The following LRRTM3 variants were observed in gnomAD, a reference collection of about 807,000 sequenced individuals.
LRRTM3 encodes leucine rich repeat transmembrane neuronal 3.
A neutral mutation model predicts 44.7 loss-of-function variants in LRRTM3; 24 were observed. The ratio of observed to expected loss-of-function variants is 0.54; its 90% CI spans 0.39 to 0.76. The LOEUF (loss-of-function observed/expected upper bound fraction) is 0.76, where lower values mean the gene tolerates loss of function less well. LRRTM3 is among the 30% of genes least tolerant of loss of function. The pLI is 0.00. For missense variants in LRRTM3, 587 were observed against 702.2 expected (o/e 0.84, Z 1.85); for synonymous variants, 277 against 278.7 (o/e 0.99, Z 0.06).
chr10:66,971,201 G>A (rs1237644291), intron 2 of LRRTM3, among the ~76,000 whole-genome samples: 2 of 152,114 alleles, frequency 1.3e-5, no homozygotes, highest in Non-Finnish European at 2.9e-5. Context: ...ACCGAGGCAG[G>A]CAGATCACAA....
Position 66,927,052 on chromosome 10 carries a change from T to C in LRRTM3, c.136T>C (p.Tyr46His). The C allele has an allele frequency of 1.9e-6, 3 of 1,614,204 alleles. No homozygotes were observed. The highest frequency in any genetic ancestry group is 1.7e-5 in the Admixed American group (1 of 60,026). ...CTGTAGGTGTGAAGGCAAAATGGTA[T>C]ATTGTGAATCTCAGAAATTACAGGA... The part of the protein sequence containing the change: ...KGCRCEGKMV[Y>H]CESQKLQEIP... The change falls in exon 2 of 3, where the codon TAT becomes CAT. Residue 46 changes from tyrosine to histidine, a missense_variant. Tyr to His is a moderately conservative substitution (Grantham distance 83). Transcript: ENST00000361320. This position sits in a 1 kb window ranked among gnomAD's most constrained non-coding sequence, Gnocchi z 4.7.
chr10:67,065,390 G>T (rs1856014329), intron 2 of LRRTM3, among the ~76,000 whole-genome samples: 1 of 151,974 alleles, frequency 6.6e-6, no homozygotes, highest in Non-Finnish European at 1.5e-5. Context: ...AGGTATAAGG[G>T]CATTGATTAT....
At chr10:67,006,343 G>C (rs1000363338) in intron 2 of LRRTM3, among the ~76,000 whole-genome samples, 3 of 152,084 alleles carry the variant, frequency 2.0e-5, no homozygotes, top group Non-Finnish European at 2.9e-5. Flanking sequence ...TTACCAAATT[G>C]CTAATAAACT....
chr10:67,010,154 C>T (rs1192505802), intron 2 of LRRTM3, among the ~76,000 whole-genome samples: 8 of 152,104 alleles, frequency 5.3e-5, no homozygotes, highest in African/African-American at 1.9e-4. Context: ...AAAATAAACA[C>T]ACACGCATAT....
At chr10:67,049,449 T>C (rs1389432291) in intron 2 of LRRTM3, among the ~76,000 whole-genome samples, 1 of 152,182 alleles carries the variant, frequency 6.6e-6, no homozygotes, top group Non-Finnish European at 1.5e-5. Flanking sequence ...TATTCTATAA[T>C]CTAAATATAT....
At chr10:66,966,630 C>T (rs114273724) in intron 2 of LRRTM3, among the ~76,000 whole-genome samples, 3,436 of 151,862 alleles carry the variant, frequency 0.023, 126 homozygotes, top group African/African-American at 0.079. Context: ...TAATTTACGG[C>T]GAGGGGGAAG....
Position 66,927,377 on chromosome 10 carries a change from G to A in LRRTM3, c.461G>A (p.Arg154Gln). ...CATTCTCTGGGATCTGAACAGTTTC[G>A]GGGCTTGCGGAAGCTGCTGAGTTTA... is the stretch of plus-strand genomic sequence containing the variant. The part of the protein sequence containing the change: ...QLHSLGSEQF[R>Q]GLRKLLSLHL... Residue 154 changes from arginine to glutamine, a missense_variant, in exon 2 of 3, where the codon CGG becomes CAG. Around this residue, in one of 3 missense-constraint regions of LRRTM3, gnomAD observed 222 missense variants for 323.3 expected, o/e 0.69. Transcript: ENST00000361320. The surrounding 1 kb of genome is among the most constrained non-coding windows in gnomAD (Gnocchi z 4.7). 2.5e-6 allele frequency: 4 copies of A among 1,614,058 alleles called. No homozygotes were observed. Among genetic ancestry groups the A allele is most frequent in the Non-Finnish European group, 3.4e-6 (4 of 1,180,022 alleles).
chr10:67,005,691 T>TTTTGTTTGTTTGTTTG (rs1554895969), intron 2 of LRRTM3, among the ~76,000 whole-genome samples: 1 of 121,484 alleles, frequency 8.2e-6, no homozygotes, highest in African/African-American at 2.8e-5. Flanking sequence ...TCTTTTTTTT[T>TTTTGTTTGTTTGTTTG]TTTTTTTTTT....
chr10:67,090,393 C>T (rs1857561052), intron 2 of LRRTM3, among the ~76,000 whole-genome samples: 1 of 152,050 alleles, frequency 6.6e-6, no homozygotes, highest in African/African-American at 2.4e-5. Flanking sequence ...AATGTTCACA[C>T]TAATGGAAAT....
intron 2 of LRRTM3, among the ~76,000 whole-genome samples, chr10:66,929,685 C>T (rs905879859): frequency 2.0e-5 from 3 of 152,196 alleles, no homozygotes; most frequent in South Asian, 2.1e-4. Flanking sequence ...AATGTCCCTG[C>T]GTTCATCTGT....
At chr10:66,946,389 CTT>C (rs776927402) in intron 2 of LRRTM3, among the ~76,000 whole-genome samples, 1 of 152,080 alleles carries the variant, frequency 6.6e-6, no homozygotes, top group African/African-American at 2.4e-5. Context: ...TAAACAAAAA[CTT>C]TTTTTGTTGG....
intron 2 of LRRTM3, among the ~76,000 whole-genome samples, chr10:66,930,619 T>A (rs1444352303): frequency 1.3e-5 from 2 of 152,162 alleles, no homozygotes; most frequent in Admixed American, 1.3e-4. Context: ...ATACTTATAT[T>A]TTTGAATTAT....
intron 2 of LRRTM3, among the ~76,000 whole-genome samples, chr10:67,074,118 C>T (rs1856610787): frequency 7.0e-6 from 1 of 142,204 alleles, no homozygotes; most frequent in Non-Finnish European, 1.5e-5. Flanking sequence ...TCATTACAAC[C>T]TCCTCCCGAG....
At chr10:66,971,927 T>C (rs558852900) in intron 2 of LRRTM3, among the ~76,000 whole-genome samples, 1 of 152,194 alleles carries the variant, frequency 6.6e-6, no homozygotes, top group South Asian at 2.1e-4. Context: ...GCTAATGTAC[T>C]TCAGTATATT....
intron 2 of LRRTM3, among the ~76,000 whole-genome samples, chr10:66,973,861 A>G (rs184283919): frequency 1.9e-4 from 29 of 152,120 alleles, no homozygotes; most frequent in Non-Finnish European, 4.1e-4. Flanking sequence ...TGACCTCAAG[A>G]TTTATCCCCC....
intron 2 of LRRTM3, among the ~76,000 whole-genome samples, chr10:67,066,511 TAC>T (rs1434522710): frequency 7.3e-6 from 1 of 136,916 alleles, no homozygotes; most frequent in South Asian, 2.3e-4. Flanking sequence ...CTTTTTAAGA[TAC>T]AGTTAGTCAT....
chr10:66,940,277 G>T (rs1170252288), intron 2 of LRRTM3, among the ~76,000 whole-genome samples: 1 of 152,040 alleles, frequency 6.6e-6, no homozygotes, highest in Non-Finnish European at 1.5e-5. Flanking sequence ...AGGCAAGGAG[G>T]ATCACTTGAG....
intron 2 of LRRTM3, among the ~76,000 whole-genome samples, chr10:67,030,604 T>C (rs1276629388): frequency 6.6e-6 from 1 of 152,168 alleles, no homozygotes; most frequent in African/African-American, 2.4e-5. Flanking sequence ...TGATTTTGCA[T>C]ATTTTCATGA....
intron 2 of LRRTM3, among the ~76,000 whole-genome samples, chr10:66,985,226 A>G (rs1021684217): frequency 3.3e-5 from 5 of 152,206 alleles, no homozygotes; most frequent in Non-Finnish European, 7.3e-5. Flanking sequence ...TTATTTAGTA[A>G]AGGGGTGATT....
Sources: allele counts gnomAD v4.1 joint callset (sites outside exome capture counted in the v4.1 genomes callset), GRCh38; gene constraint gnomAD v4.1.1; regional missense constraint gnomAD v4.1.1; non-coding constraint Gnocchi (gnomAD v3.1); transcripts MANE v1.5; gene names NCBI Gene and HGNC (gene_info 2026-07-23, HGNC 2026-07-21).